The following MYO16 variants were observed in gnomAD, a reference collection of about 807,000 sequenced individuals.
The protein encoded by MYO16 is unconventional myosin-XVI.
MYO16 carries 94 observed loss-of-function variants against 205.3 expected under a neutral mutation model. The ratio of observed to expected loss-of-function variants is 0.46; its 90% CI spans 0.39 to 0.54. MYO16 has a LOEUF of 0.54. MYO16 is among the 20% of genes least tolerant of loss of function. MYO16 has a pLI of 0.00. For missense variants in MYO16, 2,315 were observed against 2,387.5 expected, an observed-to-expected ratio of 0.97 and a Z score of 0.63; for synonymous variants, 988 against 954.0, an observed-to-expected ratio of 1.04 and a Z score of -0.66.
rs578165857 is a variant in MYO16 at position 108,975,941 on chromosome 13, T to A, written c.2369+11039T>A. ...TGAGGTGGGATCAGTGGCTATTCAT[T>A]ACAAAGCAGAGACATATTAAAATTA... On this transcript the variant is annotated intron_variant, in intron 20 of 34. Coordinates refer to ENST00000457511, the MANE Select transcript of MYO16 (RefSeq NM_001198950.3). 4.6e-5 allele frequency among the ~76,000 whole-genome samples: 7 copies of A among 152,252 alleles called. No individual in the cohort carries two copies. The South Asian group carries it at 1.4e-3, about 32-fold the overall frequency.
At chr13:108,958,916 C>G (rs1883479970) in intron 17 of MYO16, among the ~76,000 whole-genome samples, 1 of 152,328 alleles carries the variant, frequency 6.6e-6, no homozygotes, top group South Asian at 2.1e-4. Context: ...CAGTAGTTCA[C>G]AAGCCCAGAT....
chr13:108,766,447 G>A (rs1207333306), intron 4 of MYO16, among the ~76,000 whole-genome samples: 3 of 152,144 alleles, frequency 2.0e-5, no homozygotes, highest in Admixed American at 1.3e-4. Flanking sequence ...CTGAGCTTTG[G>A]GAAAAGAGAT....
intron 5 of MYO16, among the ~76,000 whole-genome samples, chr13:108,789,398 A>G (rs1886549397): frequency 6.6e-6 from 1 of 152,088 alleles, no homozygotes; most frequent in South Asian, 2.1e-4. Flanking sequence ...TGCCCCCAGT[A>G]TTAGCCCTCC....
intron 34 of MYO16, among the ~76,000 whole-genome samples, chr13:109,180,026 A>C (rs1879390548): frequency 6.6e-6 from 1 of 152,090 alleles, no homozygotes; most frequent in African/African-American, 2.4e-5. Context: ...AAATGCTTGA[A>C]CCACCTGTGG....
chr13:108,552,906 AC>A, the MYO16 span, among the ~76,000 whole-genome samples: 2 of 151,544 alleles, frequency 1.3e-5, no homozygotes, highest in African/African-American at 4.8e-5. Context: ...AGGGGACTGA[AC>A]TTGCCCCTTT....
At chr13:108,639,886 C>T (rs539932422) in intron 1 of MYO16, among the ~76,000 whole-genome samples, 3 of 152,204 alleles carry the variant, frequency 2.0e-5, no homozygotes, top group South Asian at 4.1e-4. Context: ...GTGGAGTATA[C>T]GATAAATGGA....
chr13:109,144,962 G>C (rs922681427), intron 32 of MYO16, among the ~76,000 whole-genome samples: 2 of 152,164 alleles, frequency 1.3e-5, no homozygotes, highest in Admixed American at 6.5e-5. Context: ...CAAATTCTAT[G>C]TTGCCCAAAC....
chr13:108,608,398 G>C (rs1156580475), intron 1 of MYO16, among the ~76,000 whole-genome samples: 1 of 152,156 alleles, frequency 6.6e-6, no homozygotes, highest in Non-Finnish European at 1.5e-5. Context: ...AACTAATGCT[G>C]ATTCATCATG....
rs146444372 is a variant in MYO16 at position 109,005,581 on chromosome 13, A to T, written c.2443-3316A>T. Among the ~76,000 whole-genome samples the T allele has an allele frequency of 6.4e-4, 97 of 152,288 alleles. 1 individual carries two copies. The highest frequency in any genetic ancestry group is 1.7e-3 in the Admixed American group (26 of 15,294). ...GTGCATTCATCATTAAAATAACTCCATCAGGTTGTAAGAACCTCTGCACTT... is the reference window on the plus strand; with the variant it reads ...GTGCATTCATCATTAAAATAACTCCTTCAGGTTGTAAGAACCTCTGCACTT... On this transcript the variant is annotated intron_variant, in intron 21 of 34. Coordinates refer to ENST00000457511, the MANE Select transcript of MYO16 (RefSeq NM_001198950.3).
chr13:108,517,396 A>C, the MYO16 span, among the ~76,000 whole-genome samples: 6 of 152,238 alleles, frequency 3.9e-5, no homozygotes, highest in Non-Finnish European at 8.8e-5. Flanking sequence ...TTAACATTTC[A>C]GGCCAAGAAT....
intron 27 of MYO16, among the ~76,000 whole-genome samples, chr13:109,076,383 G>A (rs1457670554): frequency 2.6e-5 from 4 of 152,042 alleles, no homozygotes; most frequent in Non-Finnish European, 4.4e-5. Context: ...AACATTTAAT[G>A]TAAACTTCCC....
the MYO16 span, among the ~76,000 whole-genome samples, chr13:108,508,720 T>G: frequency 6.6e-6 from 1 of 152,314 alleles, no homozygotes; most frequent in Non-Finnish European, 1.5e-5. Flanking sequence ...GACGGTAGAA[T>G]GTAAAGGCTT....
chr13:108,883,637 C>CTT (rs201912016), intron 13 of MYO16, among the ~76,000 whole-genome samples: 15,446 of 142,490 alleles, frequency 0.11, 976 homozygotes, highest in South Asian at 0.27. Context: ...ACTTCCTAAA[C>CTT]TTTTTTTTTT....
At chr13:108,546,463 A>T in the MYO16 span, among the ~76,000 whole-genome samples, 1 of 152,296 alleles carries the variant, frequency 6.6e-6, no homozygotes, top group East Asian at 1.9e-4. Context: ...GAAGAGATTT[A>T]TCTTTAGAGA....
chr13:108,886,027 G>A (rs777697665), intron 13 of MYO16, among the ~76,000 whole-genome samples: 8 of 151,510 alleles, frequency 5.3e-5, no homozygotes, highest in Non-Finnish European at 1.0e-4. Context: ...TCGCTCTGTC[G>A]CCCAGGCTGG....
At chr13:108,707,581 T>C (rs1883560119) in intron 2 of MYO16, among the ~76,000 whole-genome samples, 1 of 152,152 alleles carries the variant, frequency 6.6e-6, no homozygotes, top group African/African-American at 2.4e-5. Context: ...TAGCTTAATA[T>C]GCATGTATTG....
chr13:109,055,355 T>G lies in MYO16; in HGVS notation c.3130-35T>G. 2 of 1,529,960 alleles carry G rather than the reference T, an allele frequency of 1.3e-6. No homozygotes were observed. Among genetic ancestry groups the G allele is most frequent in the Non-Finnish European group, 1.8e-6 (2 of 1,111,816 alleles). 94.8% of individuals were successfully genotyped at this position (1,529,960 alleles called of 1,614,324 possible). ...TTTATATTTTTAGCTAGTGTCTCCTTTGGAGAATCAGTTGGGTTCTACTTC... is the reference window on the plus strand; with the variant it reads ...TTTATATTTTTAGCTAGTGTCTCCTGTGGAGAATCAGTTGGGTTCTACTTC... On this transcript the variant is annotated intron_variant, in intron 26 of 34. Coordinates refer to ENST00000457511, the MANE Select transcript of MYO16 (RefSeq NM_001198950.3). This position sits in a 1 kb window ranked among gnomAD's most constrained non-coding sequence, Gnocchi z 5.0.
chr13:108,742,336 G>A (rs1057479328), intron 4 of MYO16, among the ~76,000 whole-genome samples: 1 of 152,010 alleles, frequency 6.6e-6, no homozygotes, highest in Non-Finnish European at 1.5e-5. Context: ...AGAGAGGTTG[G>A]CAGTGGTGTG....
intron 4 of MYO16, among the ~76,000 whole-genome samples, chr13:108,750,504 C>T (rs1885197525): frequency 6.6e-6 from 1 of 151,478 alleles, no homozygotes; most frequent in Non-Finnish European, 1.5e-5. Flanking sequence ...CACAGTGGCT[C>T]ACACTTATAT....
Sources: gnomAD v4.1 joint callset for allele counts (sites outside exome capture counted in the v4.1 genomes callset) on GRCh38, gnomAD v4.1.1 for gene constraint, Gnocchi (gnomAD v3.1) non-coding constraint, MANE v1.5 for transcripts, NCBI Gene and HGNC (gene_info 2026-07-23, HGNC 2026-07-21) for gene names.